The following SLC39A11 variants were observed in gnomAD, a reference collection of about 807,000 sequenced individuals.
SLC39A11 encodes solute carrier family 39 member 11.
SLC39A11 carries 33 observed loss-of-function variants against 36.1 expected under a neutral mutation model. The ratio of observed to expected loss-of-function variants is 0.91; its 90% CI spans 0.69 to 1.22. The LOEUF is 1.22. Ranked by LOEUF, SLC39A11 falls within the 50% of genes most tolerant of loss-of-function variation. SLC39A11 has a pLI of 0.00. For missense variants in SLC39A11, 432 were observed against 430.3 expected (o/e 1.00, Z -0.03); for synonymous variants, 166 against 170.3 (o/e 0.97, Z 0.20).
At chr17:72,791,364 A>C (rs982454165) in intron 6 of SLC39A11, among the ~76,000 whole-genome samples, 1 of 152,226 alleles carries the variant, frequency 6.6e-6, no homozygotes, top group African/African-American at 2.4e-5. Flanking sequence ...AGGCAGGAGA[A>C]TCGCTTGAAC....
intron 3 of SLC39A11, chr17:73,068,185 C>T (rs540144996): frequency 5.2e-5 from 63 of 1,214,570 alleles, no homozygotes; most frequent in African/African-American, 1.2e-4. Context: ...CAGTGGAAGA[C>T]GGGGGCTCCA....
At chr17:72,959,418 G>C (rs2086472145) in intron 4 of SLC39A11, among the ~76,000 whole-genome samples, 1 of 146,982 alleles carries the variant, frequency 6.8e-6, no homozygotes, top group Admixed American at 6.9e-5. Context: ...AGCATTCGCA[G>C]TGACCTGGAT....
chr17:72,973,112 C>T (rs553958335), intron 4 of SLC39A11, among the ~76,000 whole-genome samples: 19 of 151,276 alleles, frequency 1.3e-4, no homozygotes, highest in Admixed American at 5.3e-4. Context: ...CCTTAGGAAA[C>T]GTGAACAAAC....
intron 3 of SLC39A11, among the ~76,000 whole-genome samples, chr17:73,052,292 C>T (rs1025480258): frequency 6.6e-6 from 1 of 151,414 alleles, no homozygotes; most frequent in Non-Finnish European, 1.5e-5. Context: ...ATGAAATAAA[C>T]CCATAAAGAC....
intron 6 of SLC39A11, among the ~76,000 whole-genome samples, chr17:72,804,362 G>A (rs2077186285): frequency 6.6e-6 from 1 of 152,170 alleles, no homozygotes; most frequent in South Asian, 2.1e-4. Flanking sequence ...CACAGCCAGA[G>A]GAGGATAGAA....
chr17:72,663,009 G>T (rs991267325), intron 7 of SLC39A11, among the ~76,000 whole-genome samples: 6 of 152,156 alleles, frequency 3.9e-5, no homozygotes, highest in Non-Finnish European at 8.8e-5. Context: ...CAATAAGAAT[G>T]AAAGGTTTAT....
intron 6 of SLC39A11, among the ~76,000 whole-genome samples, chr17:72,836,435 G>A (rs990250302): frequency 1.3e-5 from 2 of 151,724 alleles, no homozygotes; most frequent in Non-Finnish European, 2.9e-5. Flanking sequence ...CCACATCCCA[G>A]GCTCAAGCGA....
chr17:72,686,478 T>G (rs1280190249), intron 7 of SLC39A11, among the ~76,000 whole-genome samples: 1 of 152,182 alleles, frequency 6.6e-6, no homozygotes, highest in Non-Finnish European at 1.5e-5. Flanking sequence ...TCGTTCGTGA[T>G]AGTAAAGACA....
chr17:72,649,295 G>C (rs374307678), intron 7 of SLC39A11, 27 bp from the exon 8 acceptor site: 26 of 1,602,942 alleles, frequency 1.6e-5, no homozygotes, highest in African/African-American at 2.7e-5. Context: ...GCACATGAAG[G>C]CTGCTGTCTG....
At chr17:72,752,537 C>T (rs777698444) in intron 6 of SLC39A11, among the ~76,000 whole-genome samples, 4 of 152,136 alleles carry the variant, frequency 2.6e-5, no homozygotes, top group Non-Finnish European at 5.9e-5. Flanking sequence ...TGAGCCACCA[C>T]GCCCGGGCCT....
Position 72,980,876 on chromosome 17 carries a change from T to C in SLC39A11, c.307-33001A>G, listed in dbSNP as rs536910779. Among the ~76,000 whole-genome samples the C allele has an allele frequency of 3.3e-4, 50 of 151,974 alleles. No individual in the cohort carries two copies. In the South Asian group the frequency reaches 9.8e-3, roughly 30 times the overall value. ...CCGTCTCTACTAAAAATACAAAAAT[T>C]AGCCAGGCATGATGGTGGGTGCCTA... On this transcript the variant is annotated intron_variant, in intron 4 of 9. Transcript: ENST00000255559.
chr17:72,784,804 T>C (rs2076447304), intron 6 of SLC39A11, among the ~76,000 whole-genome samples: 1 of 152,000 alleles, frequency 6.6e-6, no homozygotes, highest in South Asian at 2.1e-4. Flanking sequence ...ATCAGCACCA[T>C]GCTTCCTGTA....
rs555199407 is a variant in SLC39A11, at chr17:73,084,848, T to C, written c.109-2A>G. On this transcript the variant is annotated splice_acceptor_variant, in intron 2 of 9. Coordinates refer to ENST00000255559, the MANE Select transcript of SLC39A11 (RefSeq NM_139177.4). LOFTEE classifies it high-confidence loss of function. Reference sequence around the variant, plus strand: ...AAGACTTCCATCTAAGATCCGCCTCTGAAAATCAAAACAAGATGTTTCAGT... The same window carrying C: ...AAGACTTCCATCTAAGATCCGCCTCCGAAAATCAAAACAAGATGTTTCAGT... 3.1e-6 allele frequency: 5 copies of C among 1,614,112 alleles called. No homozygotes were observed. The East Asian group carries it at 1.1e-4, about 36-fold the overall frequency.
chr17:72,814,886 A>G (rs1020637816), intron 6 of SLC39A11, among the ~76,000 whole-genome samples: 3 of 152,198 alleles, frequency 2.0e-5, no homozygotes, highest in African/African-American at 7.2e-5. Flanking sequence ...AAGGACACCA[A>G]CACTAAATTA....
chr17:73,062,817 C>A (rs1190254136), intron 3 of SLC39A11, among the ~76,000 whole-genome samples: 1 of 152,060 alleles, frequency 6.6e-6, no homozygotes, highest in Non-Finnish European at 1.5e-5. Context: ...ATAAGGAGAC[C>A]GTAACCTAGA....
At chr17:72,947,086 C>G (rs1363859282) in intron 5 of SLC39A11, among the ~76,000 whole-genome samples, 1 of 152,164 alleles carries the variant, frequency 6.6e-6, no homozygotes, top group Non-Finnish European at 1.5e-5. Flanking sequence ...TTTGGGAAGC[C>G]GAGACAGGCA....
At chr17:72,961,594 T>C (rs1025801947) in intron 4 of SLC39A11, among the ~76,000 whole-genome samples, 1 of 152,110 alleles carries the variant, frequency 6.6e-6, no homozygotes, top group Non-Finnish European at 1.5e-5. Context: ...TGCAGGGACA[T>C]GGATGAAGCT....
intron 7 of SLC39A11, among the ~76,000 whole-genome samples, chr17:72,681,154 C>T (rs933376306): frequency 3.9e-5 from 6 of 152,020 alleles, no homozygotes; most frequent in African/African-American, 9.7e-5. Context: ...CTTGAACTCC[C>T]GACCTCAGGT....
intron 3 of SLC39A11, among the ~76,000 whole-genome samples, chr17:73,047,049 G>C (rs2059319689): frequency 6.7e-6 from 1 of 148,828 alleles, no homozygotes; most frequent in East Asian, 2.0e-4. Context: ...TTTTGAGACG[G>C]AGTCTCGCTC....
Sources: gnomAD v4.1 joint callset for allele counts (sites outside exome capture counted in the v4.1 genomes callset) on GRCh38, gnomAD v4.1.1 for gene constraint, MANE v1.5 for transcripts, NCBI Gene and HGNC (gene_info 2026-07-23, HGNC 2026-07-21) for gene names.